Variants in KIDINS220 observed in about 807,000 individuals in gnomAD.
KIDINS220 encodes kinase D interacting substrate 220, also known as kinase D-interacting substrate of 220 kDa.
KIDINS220 carries 63 observed loss-of-function variants against 157.6 expected under a neutral mutation model. The ratio of observed to expected loss-of-function variants is 0.40; its 90% CI spans 0.33 to 0.49. The LOEUF is 0.49. Ranked by LOEUF, KIDINS220 falls within the 20% of genes least tolerant of loss-of-function variation. The pLI is 0.66. For synonymous variants in KIDINS220, 732 were observed against 783.6 expected, an observed-to-expected ratio of 0.93 and a Z score of 1.10; for missense variants, 1,772 against 2,171.2, an observed-to-expected ratio of 0.82 and a Z score of 3.65.
chr2:8,799,541 C>T (rs994625656), intron 9 of KIDINS220, among the ~76,000 whole-genome samples: 1 of 152,206 alleles, frequency 6.6e-6, no homozygotes, highest in Non-Finnish European at 1.5e-5. Context: ...AAGACTCATA[C>T]TTGAACCTTT....
At chr2:8,751,726 T>G in intron 22 of KIDINS220, 82 bp from the exon 23 acceptor site, 1 of 895,816 alleles carries the variant, frequency 1.1e-6, no homozygotes, top group Non-Finnish European at 1.7e-6. Context: ...AAGTTACTTA[T>G]ACAACAATTA....
At position 8,731,367 on chromosome 2, in the gene KIDINS220, C is replaced by G; in HGVS notation, c.4669G>C (p.Glu1557Gln). The G allele has an allele frequency of 1.2e-6, 2 of 1,614,226 alleles. No individual in the cohort carries two copies. The highest frequency in any genetic ancestry group is 1.7e-6 in the Non-Finnish European group (2 of 1,180,044). The change falls in exon 30 of 30, where the codon GAA becomes CAA. Residue 1557 changes from glutamate to glutamine, a missense_variant. Around this residue, in one of 3 missense-constraint regions of KIDINS220, gnomAD observed 793 missense variants for 885.5 expected, o/e 0.90. Transcript: ENST00000256707. The surrounding 1 kb of genome is among the most constrained non-coding windows in gnomAD (Gnocchi z 5.2). ...GKVERVPKSP[E>Q]HSAEPIRTFI... The stretch of plus-strand genomic sequence containing the variant: ...GTTCTGATCGGCTCAGCACTGTGTT[C>G]TGGAGACTTCGGCACTCTCTCTACT...
At chr2:8,740,843 T>A (rs1665525209) in intron 26 of KIDINS220, among the ~76,000 whole-genome samples, 1 of 152,364 alleles carries the variant, frequency 6.6e-6, no homozygotes, top group African/African-American at 2.4e-5. Context: ...TATTCTTCTG[T>A]ACTTAGATTG....
Position 8,827,077 on chromosome 2 carries a change from G to T in KIDINS220, c.17C>A (p.Ser6Ter). ...CTCTACATAATTTATGACGCTCTGTGATATCAAAACTGACATTTTCACAGA... is the reference window on the plus strand; with the variant it reads ...CTCTACATAATTTATGACGCTCTGTTATATCAAAACTGACATTTTCACAGA... MSVLI[S>*]QSVINYVEEE... The change falls in exon 2 of 30, where the codon TCA becomes TAA. Residue 6 changes from serine to a stop codon, truncating the protein, a stop_gained. Transcript: ENST00000256707. LOFTEE classifies it high-confidence loss of function. 6.3e-7 allele frequency: 1 copy of T among 1,594,146 alleles called. No homozygotes were observed. Among genetic ancestry groups the T allele is most frequent in the South Asian group, 1.1e-5 (1 of 88,582 alleles).
chr2:8,823,334 A>T (rs1678272335), intron 2 of KIDINS220, among the ~76,000 whole-genome samples: 3 of 152,150 alleles, frequency 2.0e-5, no homozygotes, highest in Admixed American at 6.6e-5. Flanking sequence ...GAAGTTACAT[A>T]AATATTTTTT....
At chr2:8,747,288 T>C (rs1666721188) in intron 25 of KIDINS220, 87 bp from the exon 26 acceptor site, 3 of 1,103,608 alleles carry the variant, frequency 2.7e-6, no homozygotes, top group African/African-American at 1.5e-5. Context: ...GGTAAAATAA[T>C]ATACAACACT....
At chr2:8,835,917 C>A (rs1256002105) in intron 1 of KIDINS220, among the ~76,000 whole-genome samples, 1 of 152,038 alleles carries the variant, frequency 6.6e-6, no homozygotes, top group African/African-American at 2.4e-5. Context: ...ATTAATCTGG[C>A]AGTGTATGTG....
At chr2:8,760,674 T>C (rs1668631135) in intron 22 of KIDINS220, among the ~76,000 whole-genome samples, 1 of 152,250 alleles carries the variant, frequency 6.6e-6, no homozygotes, top group South Asian at 2.1e-4. Context: ...TTTAGGATTG[T>C]AACAGTTGTC....
Position 8,730,710 on chromosome 2 carries a change from CT to C in KIDINS220, c.*9del. 1.9e-6 allele frequency: 3 copies of C among 1,610,138 alleles called. No homozygotes were observed. In the South Asian group the frequency reaches 3.3e-5, roughly 18 times the overall value. ...GGTACAGTAACACTCTTCTCCTTTG[CT>C]TGTTTTTCTCAAAGAATGCTTTCTC... is the stretch of plus-strand genomic sequence containing the variant. On this transcript the variant is annotated 3_prime_UTR_variant, in exon 30 of 30. Transcript: ENST00000256707.
At position 8,767,843 on chromosome 2, in the gene KIDINS220, CAT is replaced by C. The variant is rs546465458; in HGVS notation, c.3011+2825_3011+2826del. Among the ~76,000 whole-genome samples the C allele has an allele frequency of 2.3e-3, 356 of 152,244 alleles. 4 individuals are homozygous for C. Among genetic ancestry groups the C allele is most frequent in the African/African-American group, 8.2e-3 (342 of 41,530 alleles). ...TTAAAAATAACAGGTCTATTAAAGT[CAT>C]AAATTAGATGTCCATATTGTCTGTA... On this transcript the variant is annotated intron_variant, in intron 22 of 29. Coordinates refer to ENST00000256707, the MANE Select transcript of KIDINS220 (RefSeq NM_020738.4).
At chr2:8,772,842 C>T (rs1258294615) in intron 21 of KIDINS220, among the ~76,000 whole-genome samples, 1 of 149,856 alleles carries the variant, frequency 6.7e-6, no homozygotes, top group Non-Finnish European at 1.5e-5. Context: ...CAACTATTTG[C>T]ATGGTGTTGG....
chr2:8,822,435 G>C (rs187130697), intron 2 of KIDINS220, among the ~76,000 whole-genome samples: 1 of 152,038 alleles, frequency 6.6e-6, no homozygotes, highest in African/African-American at 2.4e-5. Flanking sequence ...AATAGCCTGG[G>C]CAACATTGTG....
In KIDINS220 at chr2:8,731,875, A is replaced by G. The variant is rs1382670664; in HGVS notation, c.4161T>C (p.Tyr1387=). The G allele has an allele frequency of 1.9e-6, 3 of 1,614,072 alleles. No homozygotes were observed. Among genetic ancestry groups the G allele is most frequent in the African/African-American group, 1.3e-5 (1 of 74,922 alleles). The change falls in exon 30 of 30, where the codon TAT becomes TAC. Residue 1387 remains tyrosine, a synonymous_variant. Coordinates refer to ENST00000256707, the MANE Select transcript of KIDINS220 (RefSeq NM_020738.4). The surrounding 1 kb of genome is among the most constrained non-coding windows in gnomAD (Gnocchi z 5.2). ...GGGACATCTGAGCAATGTATTCTCT[A>G]TAGGCATCTCTATACTCGGCCTGCA... ...DKVQAEYRDA[Y]REYIAQMSQL... is the part of the protein sequence containing the mutation.
At chr2:8,727,235 G>T, downstream of KIDINS220, 1 of 1,101,696 alleles carries the variant, frequency 9.1e-7, no homozygotes, top group Non-Finnish European at 1.1e-6. Flanking sequence ...ATCCCCACTG[G>T]TTTCTTCCCT....
chr2:8,804,805 T>C (rs1401112016), intron 7 of KIDINS220, among the ~76,000 whole-genome samples: 1 of 151,630 alleles, frequency 6.6e-6, no homozygotes, highest in Non-Finnish European at 1.5e-5. Context: ...ATGTGTGGGG[T>C]TTTTCCACAT....
rs775263304 is a variant in KIDINS220, at chr2:8,757,725, G to A, written c.3012-6081C>T. 5 of 1,612,230 alleles carry A rather than the reference G, an allele frequency of 3.1e-6. No individual in the cohort carries two copies. In the African/African-American group the frequency reaches 6.7e-5, roughly 22 times the overall value. ...CTTTTCTCAGCTCTCCATCAACATG[G>A]CAACTAACACTGACTTGGAAATGCC... On this transcript the variant is annotated intron_variant, in intron 22 of 29. Coordinates refer to ENST00000256707, the MANE Select transcript of KIDINS220 (RefSeq NM_020738.4).
chr2:8,772,153 C>T (rs1235852187), intron 21 of KIDINS220, among the ~76,000 whole-genome samples: 4 of 152,022 alleles, frequency 2.6e-5, no homozygotes, highest in Admixed American at 2.0e-4. Flanking sequence ...AACCGGTAGA[C>T]AGAGAGAACT....
chr2:8,747,842 G>C, intron 25 of KIDINS220, 45 bp downstream of exon 25: 1 of 1,245,144 alleles, frequency 8.0e-7, no homozygotes, highest in Non-Finnish European at 1.1e-6. Flanking sequence ...TGCTATCTAT[G>C]TTTATTATTA....
intron 26 of KIDINS220, among the ~76,000 whole-genome samples, chr2:8,743,406 T>C (rs373405839): frequency 1.3e-5 from 2 of 152,168 alleles, no homozygotes; most frequent in African/African-American, 4.8e-5. Flanking sequence ...TGGGCAGTAG[T>C]AGCAGTAGTA....
Sources: gnomAD v4.1 joint callset for allele counts (sites outside exome capture counted in the v4.1 genomes callset) on GRCh38, gnomAD v4.1.1 for gene constraint, gnomAD v4.1.1 regional missense constraint, Gnocchi (gnomAD v3.1) non-coding constraint, MANE v1.5 for transcripts, NCBI Gene and HGNC (gene_info 2026-07-23, HGNC 2026-07-21) for gene names.